Variants in PTGFR observed in about 807,000 individuals in gnomAD.
PTGFR encodes prostaglandin F receptor.
PTGFR carries 15 observed loss-of-function variants against 26.2 expected under a neutral mutation model. That is an observed-to-expected ratio of 0.57 (90% CI 0.38 to 0.88). The LOEUF (loss-of-function observed/expected upper bound fraction) is 0.88. Among genes scored for constraint, PTGFR ranks in the 40% least tolerant of loss-of-function variants. The pLI, the probability that PTGFR is intolerant of heterozygous loss-of-function variation, is 0.00. For synonymous variants in PTGFR, 165 were observed against 151.1 expected (o/e 1.09, Z -0.68); for missense variants, 369 against 427.2 (o/e 0.86, Z 1.20).
At chr1:78,531,561 C>T (rs1290478357) in intron 2 of PTGFR, among the ~76,000 whole-genome samples, 1 of 152,144 alleles carries the variant, frequency 6.6e-6, no homozygotes, top group Non-Finnish European at 1.5e-5. Context: ...AACTTTTGGG[C>T]AGACCAGAAG....
rs1404235946 is a variant in PTGFR, at chr1:78,525,234, C to G, written c.799-11172C>G. ...TTCATAGATATATAGCAGAGTCCCC[C>G]AGAAGACTGCCCTAACTTCAGACAC... On this transcript the variant is annotated intron_variant, in intron 2 of 2. Coordinates refer to ENST00000370757, the MANE Select transcript of PTGFR (RefSeq NM_000959.4). Among the ~76,000 whole-genome samples the G allele has an allele frequency of 2.0e-5, 3 of 151,920 alleles. No homozygotes were observed. The East Asian group carries it at 5.8e-4, about 29-fold the overall frequency.
chr1:78,519,130 A>G (rs746964390), intron 2 of PTGFR, among the ~76,000 whole-genome samples: 17 of 152,146 alleles, frequency 1.1e-4, no homozygotes, highest in South Asian at 2.1e-4. Context: ...ATCAATAAGC[A>G]TCTTCATCAG....
intron 2 of PTGFR, among the ~76,000 whole-genome samples, chr1:78,494,910 T>C (rs1368353287): frequency 6.6e-6 from 1 of 152,226 alleles, no homozygotes; most frequent in Non-Finnish European, 1.5e-5. Context: ...GGCCCACTAG[T>C]GCAGTTCTAA....
rs781334182 is a variant in PTGFR at position 78,493,231 on chromosome 1, C to A, written c.488C>A (p.Ala163Asp). Residue 163 changes from alanine to aspartate, a missense_variant, in exon 2 of 3, where the codon GCT becomes GAT. Ala to Asp is a moderately radical substitution (Grantham distance 126). Coordinates refer to ENST00000370757, the MANE Select transcript of PTGFR (RefSeq NM_000959.4). Reference sequence around the variant, plus strand: ...ATGTTAAGTGGTGTGTGCTTGTTTGCTGTTTTCATAGCTTTGCTGCCCATC... The same window carrying A: ...ATGTTAAGTGGTGTGTGCTTGTTTGATGTTTTCATAGCTTTGCTGCCCATC... ...KMMLSGVCLFAVFIALLPILG... is the reference protein window; with the variant it reads ...KMMLSGVCLFDVFIALLPILG... The A allele has an allele frequency of 1.6e-5, 26 of 1,614,012 alleles. No homozygotes were observed.
At chr1:78,508,338 A>T (rs1649875379) in intron 2 of PTGFR, among the ~76,000 whole-genome samples, 1 of 152,208 alleles carries the variant, frequency 6.6e-6, no homozygotes, top group Non-Finnish European at 1.5e-5. Context: ...GAAATTTAAT[A>T]ATAGTGTTTT....
In PTGFR at chr1:78,537,477, A is replaced by T. The variant is rs1650685747; in HGVS notation, c.*790A>T. The T allele has an allele frequency of 6.6e-6, 1 of 152,136 alleles. No individual in the cohort carries two copies. Among genetic ancestry groups the T allele is most frequent in the African/African-American group, 2.4e-5 (1 of 41,434 alleles). The allele number at this position is 152,136 out of a possible 1,614,324, so 9.4% of individuals were successfully genotyped here. Reference sequence around the variant, plus strand: ...TCTCAGCACATTGATGGGCAACTAGAATTACAGCAGTTTCAAAACTCTACC... The same window carrying T: ...TCTCAGCACATTGATGGGCAACTAGTATTACAGCAGTTTCAAAACTCTACC... On this transcript the variant is annotated 3_prime_UTR_variant, in exon 3 of 3. Transcript: ENST00000370757.
chr1:78,504,104 C>T lies in PTGFR; in HGVS notation c.798+10563C>T, dbSNP rs74094503. On this transcript the variant is annotated intron_variant, in intron 2 of 2. Coordinates refer to ENST00000370757, the MANE Select transcript of PTGFR (RefSeq NM_000959.4). ...TGAGACCTCCTTTTATTTTCACAGA[C>T]GTCTTCTCCTTTATTGAGGGATATT... 8.1e-3 allele frequency among the ~76,000 whole-genome samples: 1,225 copies of T among 152,146 alleles called. 18 individuals are homozygous for T. The highest frequency in any genetic ancestry group is 0.028 in the African/African-American group (1,155 of 41,504).
chr1:78,536,820 C>A lies in PTGFR; in HGVS notation c.*133C>A. 9.7e-7 allele frequency: 1 copy of A among 1,034,784 alleles called. No homozygotes were observed. The highest frequency in any genetic ancestry group is 1.3e-6 in the Non-Finnish European group (1 of 746,042). The allele number at this position is 1,034,784 out of a possible 1,614,324, so 64.1% of individuals were successfully genotyped here. ...TCATGTAGTTTGAAGATACTATTGT[C>A]AGATTCAGGTTTTGAAATTTGTCAA... is the stretch of plus-strand genomic sequence containing the variant. On this transcript the variant is annotated 3_prime_UTR_variant, in exon 3 of 3. Coordinates refer to ENST00000370757, the MANE Select transcript of PTGFR (RefSeq NM_000959.4).
At chr1:78,493,575 G>C (rs1408307976) in intron 2 of PTGFR, 34 bp downstream of exon 2, 1 of 1,500,590 alleles carries the variant, frequency 6.7e-7, no homozygotes, top group African/African-American at 1.4e-5. Flanking sequence ...CTGCTTTCTT[G>C]GGTTAATCCA....
chr1:78,501,939 AAGTTT>A (rs1208604933), intron 2 of PTGFR, among the ~76,000 whole-genome samples: 2 of 152,174 alleles, frequency 1.3e-5, no homozygotes, highest in Non-Finnish European at 2.9e-5. Context: ...AATACTCAAA[AAGTTT>A]ATTGGTATTA....
chr1:78,513,175 A>C (rs1211176931), intron 2 of PTGFR, among the ~76,000 whole-genome samples: 1 of 152,208 alleles, frequency 6.6e-6, no homozygotes, highest in African/African-American at 2.4e-5. Flanking sequence ...TGGAACTGTA[A>C]AATGGGCAGA....
At chr1:78,505,006 C>A (rs1336480866) in intron 2 of PTGFR, among the ~76,000 whole-genome samples, 2 of 151,770 alleles carry the variant, frequency 1.3e-5, no homozygotes, top group Non-Finnish European at 2.9e-5. Context: ...TGTTTCTTAT[C>A]TTGATCACAA....
intron 2 of PTGFR, chr1:78,532,470 G>A (rs1364513156): frequency 2.5e-5 from 3 of 120,360 alleles, no homozygotes; most frequent in Non-Finnish European, 4.9e-5. Flanking sequence ...ATATTTGTGT[G>A]TGTATATATG....
Position 78,493,525 on chromosome 1 carries a change from G to C in PTGFR, c.782G>C (p.Cys261Ser). 2 of 1,536,722 alleles carry C rather than the reference G, an allele frequency of 1.3e-6. No individual in the cohort carries two copies. The highest frequency in any genetic ancestry group is 1.7e-6 in the Non-Finnish European group (2 of 1,144,162). Residue 261 changes from cysteine (C) to serine (S), a missense_variant, in exon 2 of 3, where the codon TGT becomes TCT. Coordinates refer to ENST00000370757, the MANE Select transcript of PTGFR (RefSeq NM_000959.4). The part of the protein sequence containing the change: ...LLAIMCVSCI[C>S]WSPFLVTMAN... Reference sequence around the variant, plus strand: ...GCGATAATGTGTGTCTCCTGTATTTGTTGGAGCCCATTTCTGGTAAGAGCC... The same window carrying C: ...GCGATAATGTGTGTCTCCTGTATTTCTTGGAGCCCATTTCTGGTAAGAGCC...
At chr1:78,513,653 G>A (rs1650024696) in intron 2 of PTGFR, among the ~76,000 whole-genome samples, 1 of 152,228 alleles carries the variant, frequency 6.6e-6, no homozygotes, top group Non-Finnish European at 1.5e-5. Flanking sequence ...AGTCTGTGGA[G>A]CAATCACTTT....
rs181893297 is a variant in PTGFR at position 78,511,136 on chromosome 1, T to C, written c.798+17595T>C. On this transcript the variant is annotated intron_variant, in intron 2 of 2. Transcript: ENST00000370757. Reference sequence around the variant, plus strand: ...GTGCAATCTGCAAGTGGCTGTACCATTCCAGGGTCTGGAGGATGGTGGCCC... The same window carrying C: ...GTGCAATCTGCAAGTGGCTGTACCACTCCAGGGTCTGGAGGATGGTGGCCC... Among the ~76,000 whole-genome samples, 355 of 152,286 alleles carry C rather than the reference T, an allele frequency of 2.3e-3. 1 individual carries two copies. Among genetic ancestry groups the C allele is most frequent in the African/African-American group, 7.8e-3 (325 of 41,562 alleles).
At chr1:78,510,389 T>C (rs1175003939) in intron 2 of PTGFR, among the ~76,000 whole-genome samples, 1 of 151,958 alleles carries the variant, frequency 6.6e-6, no homozygotes, top group Non-Finnish European at 1.5e-5. Flanking sequence ...GGAGGTGAAG[T>C]GGGAACAGGC....
chr1:78,518,615 CACACAT>C (rs1312608102), intron 2 of PTGFR, among the ~76,000 whole-genome samples: 54 of 121,742 alleles, frequency 4.4e-4, no homozygotes, highest in Admixed American at 1.7e-3. Flanking sequence ...CACACACACA[CACACAT>C]ACGCATTTAT....
intron 2 of PTGFR, among the ~76,000 whole-genome samples, chr1:78,495,699 T>C (rs549449566): frequency 3.9e-5 from 6 of 152,328 alleles, no homozygotes; most frequent in East Asian, 1.9e-4. Flanking sequence ...CTTTGAGGAA[T>C]AGGAGTCATA....
Sources: gnomAD v4.1 joint callset for allele counts (sites outside exome capture counted in the v4.1 genomes callset) on GRCh38, gnomAD v4.1.1 for gene constraint, MANE v1.5 for transcripts, NCBI Gene and HGNC (gene_info 2026-07-23, HGNC 2026-07-21) for gene names.